Variants in BRIP1 observed in about 807,000 individuals in gnomAD.
BRIP1 encodes BRCA1 interacting DNA helicase 1.
A neutral mutation model predicts 119.7 loss-of-function variants in BRIP1; 88 were observed. That is an observed-to-expected ratio of 0.74 (90% CI 0.62 to 0.88). BRIP1 has a LOEUF of 0.88. Ranked by LOEUF, BRIP1 falls within the 40% of genes least tolerant of loss-of-function variation. The pLI, the probability that BRIP1 is intolerant of heterozygous loss-of-function variation, is 0.00. For synonymous variants in BRIP1, 443 were observed against 496.5 expected (o/e 0.89, Z 1.43); for missense variants, 1,259 against 1,455.4 (o/e 0.87, Z 2.20).
rs2078441158 is a variant in BRIP1 at position 61,828,397 on chromosome 17, C to A, written c.627+18704G>T. Among the ~76,000 whole-genome samples the A allele has an allele frequency of 6.6e-6, 1 of 151,808 alleles. No homozygotes were observed. The highest frequency in any genetic ancestry group is 2.4e-5 in the African/African-American group (1 of 41,296). ...AAGGAGAACGGCATTTTTCCTGGGG[C>A]TGGACAATAGGGAAATACAGAGATA... is the stretch of plus-strand genomic sequence containing the variant. On this transcript the variant is annotated intron_variant, in intron 6 of 19. Transcript: ENST00000259008. This position sits in a 1 kb window ranked among gnomAD's most constrained non-coding sequence, Gnocchi z 4.1.
intron 6 of BRIP1, among the ~76,000 whole-genome samples, chr17:61,837,090 T>C (rs888851605): frequency 1.3e-5 from 2 of 152,208 alleles, no homozygotes; most frequent in Non-Finnish European, 1.5e-5. Flanking sequence ...TCTTTTATTT[T>C]GAAAACTGTC....
intron 10 of BRIP1, among the ~76,000 whole-genome samples, chr17:61,786,764 T>C (rs1437090062): frequency 1.5e-5 from 2 of 135,336 alleles, no homozygotes; most frequent in South Asian, 2.1e-4. Context: ...ATATATTTTA[T>C]ATATTATATA....
In BRIP1 at chr17:61,717,417, C is replaced by G. The variant is rs550568950; in HGVS notation, c.2380-1354G>C. ...AACTTTCTTTAATATTAGTAGTGCACGTTTGCTAGCAATGAGTTCTTTCAA... is the reference window on the plus strand; with the variant it reads ...AACTTTCTTTAATATTAGTAGTGCAGGTTTGCTAGCAATGAGTTCTTTCAA... On this transcript the variant is annotated intron_variant, in intron 16 of 19. Transcript: ENST00000259008. This position sits in a 1 kb window ranked among gnomAD's most constrained non-coding sequence, Gnocchi z 4.1. Among the ~76,000 whole-genome samples the G allele has an allele frequency of 2.0e-5, 3 of 151,984 alleles. No individual in the cohort carries two copies. The highest frequency in any genetic ancestry group is 7.3e-5 in the African/African-American group (3 of 41,368).
At chr17:61,819,757 T>C in intron 6 of BRIP1, among the ~76,000 whole-genome samples, 1 of 150,466 alleles carries the variant, frequency 6.6e-6, no homozygotes, top group East Asian at 2.0e-4. Context: ...GGGGAGAGAG[T>C]GGAGTTGTTA....
Position 61,796,556 on chromosome 17 carries a change from G to A in BRIP1, c.1340+2544C>T, listed in dbSNP as rs1380089561. ...TTCGTGGCACCTGTGTCAAAAATGA[G>A]TTCACTGTAGGTGTGTGGATTTGTT... On this transcript the variant is annotated intron_variant, in intron 9 of 19. Coordinates refer to ENST00000259008, the MANE Select transcript of BRIP1 (RefSeq NM_032043.3). This position sits in a 1 kb window ranked among gnomAD's most constrained non-coding sequence, Gnocchi z 4.8. Among the ~76,000 whole-genome samples the A allele has an allele frequency of 6.6e-6, 1 of 152,070 alleles. No individual in the cohort carries two copies. The highest frequency in any genetic ancestry group is 2.4e-5 in the African/African-American group (1 of 41,438).
In BRIP1 at chr17:61,862,131, TGGTATGTTATCTTTGACTCA is replaced by T. The variant is rs2078982181; in HGVS notation, c.-30-582_-30-563del. On this transcript the variant is annotated intron_variant, in intron 1 of 19. Transcript: ENST00000259008. The surrounding 1 kb of genome is among the most constrained non-coding windows in gnomAD (Gnocchi z 5.3). Reference sequence around the variant, plus strand: ...CTATACCAGGTTTTGGTATACTGCCTGGTATGTTATCTTTGACTCAGGTATGTTATCTTTGACATATCTTT... The same window carrying T: ...CTATACCAGGTTTTGGTATACTGCCTGGTATGTTATCTTTGACATATCTTT... 1 of 155,226 alleles carries T rather than the reference TGGTATGTTATCTTTGACTCA, an allele frequency of 6.4e-6. No homozygotes were observed. Among genetic ancestry groups the T allele is most frequent in the Non-Finnish European group, 1.4e-5 (1 of 70,010 alleles). 9.6% of individuals were successfully genotyped at this position (155,226 alleles called of 1,614,324 possible). A position where few individuals can be genotyped will look rare whatever the true frequency, so the allele number is the denominator to read the frequency against.
In BRIP1 at chr17:61,745,207, A is replaced by G. The variant is rs907958386; in HGVS notation, c.2098-616T>C. Among the ~76,000 whole-genome samples, 1 of 152,240 alleles carries G rather than the reference A, an allele frequency of 6.6e-6. No homozygotes were observed. Among genetic ancestry groups the G allele is most frequent in the Non-Finnish European group, 1.5e-5 (1 of 68,044 alleles). ...GTAGAAAATATATGGGCACAAATGG[A>G]ACATTTACAGCCATGGGCTAGATTA... is the stretch of plus-strand genomic sequence containing the variant. On this transcript the variant is annotated intron_variant, in intron 14 of 19. Coordinates refer to ENST00000259008, the MANE Select transcript of BRIP1 (RefSeq NM_032043.3). This position sits in a 1 kb window ranked among gnomAD's most constrained non-coding sequence, Gnocchi z 4.4.
rs542922389 is a variant in BRIP1, at chr17:61,861,630, C to A, written c.-30-61G>T. 1.2e-4 allele frequency: 107 copies of A among 918,366 alleles called. No individual in the cohort carries two copies. Among genetic ancestry groups the A allele is most frequent in the Middle Eastern group, 6.3e-4 (3 of 4,728 alleles). The allele number at this position is 918,366 out of a possible 1,614,324, so 56.9% of individuals were successfully genotyped here. On this transcript the variant is annotated intron_variant, in intron 1 of 19. Transcript: ENST00000259008. This position sits in a 1 kb window ranked among gnomAD's most constrained non-coding sequence, Gnocchi z 4.5. ...CGCCTTACAAAGAAAACCAGAGAAC[C>A]AAAACTAAGGGAGAAATCTGGAAAC...
Position 61,823,300 on chromosome 17 carries a change from C to G in BRIP1, c.628-14543G>C, listed in dbSNP as rs1339808004. On this transcript the variant is annotated intron_variant, in intron 6 of 19. Transcript: ENST00000259008. The surrounding 1 kb of genome is among the most constrained non-coding windows in gnomAD (Gnocchi z 4.8). ...TTCTGCTTTTAGCCATACGAAAAAA[C>G]AGAAATCTTATCTTGCACCATAAAC... is the stretch of plus-strand genomic sequence containing the variant. Among the ~76,000 whole-genome samples, 2 of 152,118 alleles carry G rather than the reference C, an allele frequency of 1.3e-5. No homozygotes were observed. The highest frequency in any genetic ancestry group is 2.9e-5 in the Non-Finnish European group (2 of 67,998).
chr17:61,827,712 G>A lies in BRIP1; in HGVS notation c.628-18955C>T, dbSNP rs991008304. 3.9e-5 allele frequency among the ~76,000 whole-genome samples: 6 copies of A among 152,216 alleles called. No homozygotes were observed. The highest frequency in any genetic ancestry group is 1.4e-4 in the African/African-American group (6 of 41,456). On this transcript the variant is annotated intron_variant, in intron 6 of 19. Transcript: ENST00000259008. This position sits in a 1 kb window ranked among gnomAD's most constrained non-coding sequence, Gnocchi z 5.8. ...CCACTGCACTCCGGCCTGGGCGACA[G>A]AGTGAAGCCCTGTCTCAAAAAAGGG...
At chr17:61,784,561 G>A (rs2077675778) in intron 10 of BRIP1, 137 bp from the exon 11 acceptor site, 2 of 810,662 alleles carry the variant, frequency 2.5e-6, no homozygotes. Context: ...TTGATAGTCT[G>A]ACTTCTCCAA....
rs2078055176 is a variant in BRIP1, at chr17:61,805,070, A to G, written c.918+3397T>C. On this transcript the variant is annotated intron_variant, in intron 7 of 19. Coordinates refer to ENST00000259008, the MANE Select transcript of BRIP1 (RefSeq NM_032043.3). The surrounding 1 kb of genome is among the most constrained non-coding windows in gnomAD (Gnocchi z 5.6). ...TGTATATATATACACACACATATAT[A>G]TGCATATATATAATCTTTACATGTA... Among the ~76,000 whole-genome samples the G allele has an allele frequency of 6.6e-6, 1 of 151,992 alleles. No individual in the cohort carries two copies. The highest frequency in any genetic ancestry group is 1.5e-5 in the Non-Finnish European group (1 of 67,984).
At chr17:61,833,269 G>A (rs1376193437) in intron 6 of BRIP1, among the ~76,000 whole-genome samples, 1 of 152,126 alleles carries the variant, frequency 6.6e-6, no homozygotes, top group Non-Finnish European at 1.5e-5. Flanking sequence ...AACTTTCTCT[G>A]AAATATTCAC....
rs1460332560 is a variant in BRIP1 at position 61,752,690 on chromosome 17, C to A, written c.2098-8099G>T. Among the ~76,000 whole-genome samples the A allele has an allele frequency of 6.6e-6, 1 of 152,156 alleles. No homozygotes were observed. The highest frequency in any genetic ancestry group is 1.5e-5 in the Non-Finnish European group (1 of 68,034). ...TAGGCCAATCATCATACTTTTTCTT[C>A]ATTAATCAGTGAGTTTAATAAAATC... On this transcript the variant is annotated intron_variant, in intron 14 of 19. Coordinates refer to ENST00000259008, the MANE Select transcript of BRIP1 (RefSeq NM_032043.3). This position sits in a 1 kb window ranked among gnomAD's most constrained non-coding sequence, Gnocchi z 6.2.
rs972984043 is a variant in BRIP1, at chr17:61,704,482, T to C, written c.2493-10970A>G. Among the ~76,000 whole-genome samples, 2 of 152,190 alleles carry C rather than the reference T, an allele frequency of 1.3e-5. No homozygotes were observed. Among genetic ancestry groups the C allele is most frequent in the African/African-American group, 4.8e-5 (2 of 41,464 alleles). On this transcript the variant is annotated intron_variant, in intron 17 of 19. Transcript: ENST00000259008. This position sits in a 1 kb window ranked among gnomAD's most constrained non-coding sequence, Gnocchi z 5.7. ...GCTATGCGTGTTATCTGTTTCATCT[T>C]GGCCTCATAAAATAAATTGAGAAGG... is the stretch of plus-strand genomic sequence containing the variant.
rs2077027029 is a variant in BRIP1 at position 61,744,281 on chromosome 17, G to T, written c.2257+151C>A. The T allele has an allele frequency of 3.4e-6, 3 of 876,148 alleles. No homozygotes were observed. The highest frequency in any genetic ancestry group is 2.8e-5 in the Admixed American group (1 of 35,632). The allele number at this position is 876,148 out of a possible 1,614,324, so 54.3% of individuals were successfully genotyped here. Reference sequence around the variant, plus strand: ...CATAGGAGAACAAGTACAATTAAAAGAATTTCTTTACCCAATTTATTTTCT... The same window carrying T: ...CATAGGAGAACAAGTACAATTAAAATAATTTCTTTACCCAATTTATTTTCT... On this transcript the variant is annotated intron_variant, in intron 15 of 19. Transcript: ENST00000259008. The surrounding 1 kb of genome is among the most constrained non-coding windows in gnomAD (Gnocchi z 5.0).
At position 61,780,173 on chromosome 17, in the gene BRIP1, G is replaced by A. The variant is rs1011718163; in HGVS notation, c.1935+88C>T. The A allele has an allele frequency of 7.3e-7, 1 of 1,368,054 alleles. No individual in the cohort carries two copies. Among genetic ancestry groups the A allele is most frequent in the Non-Finnish European group, 1.0e-6 (1 of 977,432 alleles). The allele number at this position is 1,368,054 out of a possible 1,614,324, so 84.7% of individuals were successfully genotyped here. A position where few individuals can be genotyped will look rare whatever the true frequency, so the allele number is the denominator to read the frequency against. ...AATTTCCTACCAAGATTTACTTGCTGGCACTTCAGGTATCTTCTAACTTGT... is the reference window on the plus strand; with the variant it reads ...AATTTCCTACCAAGATTTACTTGCTAGCACTTCAGGTATCTTCTAACTTGT... On this transcript the variant is annotated intron_variant, in intron 13 of 19. Coordinates refer to ENST00000259008, the MANE Select transcript of BRIP1 (RefSeq NM_032043.3). This position sits in a 1 kb window ranked among gnomAD's most constrained non-coding sequence, Gnocchi z 5.4.
At position 61,780,524 on chromosome 17, in the gene BRIP1, C is replaced by T; in HGVS notation, c.1795-123G>A. 2 of 907,652 alleles carry T rather than the reference C, an allele frequency of 2.2e-6. No individual in the cohort carries two copies. Among genetic ancestry groups the T allele is most frequent in the Non-Finnish European group, 3.5e-6 (2 of 565,310 alleles). The allele number at this position is 907,652 out of a possible 1,614,324, so 56.2% of individuals were successfully genotyped here. ...AGGAAGATCGCTTGAGTCTAGGAGT[C>T]TGAGACCAGCCTGGGCAATATGGTG... On this transcript the variant is annotated intron_variant, in intron 12 of 19. Transcript: ENST00000259008. The surrounding 1 kb of genome is among the most constrained non-coding windows in gnomAD (Gnocchi z 5.4).
At position 61,805,891 on chromosome 17, in the gene BRIP1, C is replaced by CA. The variant is rs946151099; in HGVS notation, c.918+2575dup. Among the ~76,000 whole-genome samples, 3 of 151,750 alleles carry CA rather than the reference C, an allele frequency of 2.0e-5. No homozygotes were observed. Among genetic ancestry groups the CA allele is most frequent in the African/African-American group, 4.8e-5 (2 of 41,328 alleles). On this transcript the variant is annotated intron_variant, in intron 7 of 19. Coordinates refer to ENST00000259008, the MANE Select transcript of BRIP1 (RefSeq NM_032043.3). This position sits in a 1 kb window ranked among gnomAD's most constrained non-coding sequence, Gnocchi z 5.6. Reference sequence around the variant, plus strand: ...ATGAGCTATTAAGTCTCATTTTAACCAAAAAAAGATATATATCTAAAATAA... The same window carrying CA: ...ATGAGCTATTAAGTCTCATTTTAACCAAAAAAAAGATATATATCTAAAATAA...
Sources: gnomAD v4.1 joint callset for allele counts (sites outside exome capture counted in the v4.1 genomes callset) on GRCh38, gnomAD v4.1.1 for gene constraint, Gnocchi (gnomAD v3.1) non-coding constraint, MANE v1.5 for transcripts, NCBI Gene and HGNC (gene_info 2026-07-23, HGNC 2026-07-21) for gene names.